The following BORCS5 variants were observed in gnomAD, a reference collection of about 807,000 sequenced individuals.
BORCS5 encodes BLOC-1-related complex subunit 5.
A neutral mutation model predicts 22.1 loss-of-function variants in BORCS5; 17 were observed. The observed-to-expected ratio is 0.77, with a 90% CI of 0.53 to 1.15. BORCS5 has a LOEUF of 1.15. Among genes scored for constraint, BORCS5 ranks in the 50% most tolerant of loss-of-function variants. The probability of loss-of-function intolerance (pLI) is 0.00; values close to 1 mark genes in which losing one functional copy is unlikely to be tolerated. For synonymous variants in BORCS5, 117 were observed against 99.8 expected, an observed-to-expected ratio of 1.17 and a Z score of -1.03; for missense variants, 247 against 253.2, an observed-to-expected ratio of 0.98 and a Z score of 0.17.
intron 2 of BORCS5, among the ~76,000 whole-genome samples, chr12:12,419,674 G>A (rs1942063738): frequency 6.6e-6 from 1 of 152,146 alleles, no homozygotes; most frequent in African/African-American, 2.4e-5. Flanking sequence ...GTGTAAAAGT[G>A]TTCCTGTTTC....
chr12:12,432,083 G>A (rs952286147), intron 2 of BORCS5, among the ~76,000 whole-genome samples: 2 of 152,124 alleles, frequency 1.3e-5, no homozygotes, highest in African/African-American at 4.8e-5. Flanking sequence ...AGGCTTCCTG[G>A]GGTCTCTGCA....
At chr12:12,388,705 G>A (rs1428794614) in intron 2 of BORCS5, among the ~76,000 whole-genome samples, 1 of 150,788 alleles carries the variant, frequency 6.6e-6, no homozygotes, top group Non-Finnish European at 1.5e-5. Flanking sequence ...TGTGAGTCTG[G>A]TCTGAGGACC....
intron 3 of BORCS5, among the ~76,000 whole-genome samples, chr12:12,446,332 C>G (rs1484740207): frequency 1.3e-5 from 2 of 152,064 alleles, no homozygotes; most frequent in Non-Finnish European, 2.9e-5. Context: ...AGAAGGCCTT[C>G]CCAGAAAGGA....
chr12:12,414,718 TG>T (rs1941877783), intron 2 of BORCS5, among the ~76,000 whole-genome samples: 1 of 119,726 alleles, frequency 8.4e-6, no homozygotes. Flanking sequence ...CCGGATGGGG[TG>T]GCTGCCGGGC....
At chr12:12,405,566 A>G (rs1941578418) in intron 2 of BORCS5, among the ~76,000 whole-genome samples, 1 of 152,218 alleles carries the variant, frequency 6.6e-6, no homozygotes, top group Admixed American at 6.5e-5. Flanking sequence ...CATCCTGACA[A>G]TTAAGACAAA....
At chr12:12,396,170 T>G (rs1271272700) in intron 2 of BORCS5, among the ~76,000 whole-genome samples, 1 of 151,344 alleles carries the variant, frequency 6.6e-6, no homozygotes, top group Non-Finnish European at 1.5e-5. Flanking sequence ...GTATTTTTAG[T>G]AGAGATGGGT....
At chr12:12,409,209 T>C (rs1178478654) in intron 2 of BORCS5, among the ~76,000 whole-genome samples, 3 of 151,932 alleles carry the variant, frequency 2.0e-5, no homozygotes, top group African/African-American at 7.2e-5. Context: ...TTTTTATCTA[T>C]TTATTTATTT....
chr12:12,428,560 G>A lies in BORCS5; in HGVS notation c.203-7068G>A, dbSNP rs182031998. Among the ~76,000 whole-genome samples the A allele has an allele frequency of 2.7e-3, 292 of 106,474 alleles. 4 individuals are homozygous for A. The highest frequency in any genetic ancestry group is 4.5e-4 in the Non-Finnish European group (22 of 49,348). 69.9% of individuals were successfully genotyped at this position (106,474 alleles called of 152,430 possible). A position where few individuals can be genotyped will look rare whatever the true frequency, so the allele number is the denominator to read the frequency against. ...AGTAAACATCTTTGGGTGCATCCCC[G>A]TATTAAACTAAAGAAGAAGTAGAAA... On this transcript the variant is annotated intron_variant, in intron 2 of 3. Transcript: ENST00000314565.
Position 12,357,082 on chromosome 12 carries a change from G to A in BORCS5, c.-370G>A, listed in dbSNP as rs1863151333. The A allele has an allele frequency of 3.9e-6, 6 of 1,533,618 alleles. No homozygotes were observed. Among genetic ancestry groups the A allele is most frequent in the Non-Finnish European group, 4.4e-6 (5 of 1,145,458 alleles). On this transcript the variant is annotated 5_prime_UTR_variant, in exon 1 of 4. Transcript: ENST00000314565. ...CTTGCGTAGCCGGCACCGCCCATCT[G>A]CGTCCCGGAAGGAGCGAGCTTGCGG...
intron 2 of BORCS5, among the ~76,000 whole-genome samples, chr12:12,380,542 T>C (rs1001584884): frequency 3.3e-5 from 5 of 151,728 alleles, no homozygotes; most frequent in Middle Eastern, 3.4e-3. Flanking sequence ...GAGTCTGACT[T>C]CCAGTTTTTG....
intron 3 of BORCS5, among the ~76,000 whole-genome samples, chr12:12,440,388 C>A (rs1942656587): frequency 6.6e-6 from 1 of 152,138 alleles, no homozygotes; most frequent in South Asian, 2.1e-4. Flanking sequence ...TATTGCAGAC[C>A]CACCTAGTGG....
At chr12:12,448,730 T>C (rs7957014) in intron 3 of BORCS5, among the ~76,000 whole-genome samples, 29,616 of 151,596 alleles carry the variant, frequency 0.2, 3,796 homozygotes, top group African/African-American at 0.37. Flanking sequence ...AGTTTCACCA[T>C]GTTGGCCAGG....
chr12:12,417,868 C>A (rs1364199852), intron 2 of BORCS5, among the ~76,000 whole-genome samples: 1 of 151,838 alleles, frequency 6.6e-6, no homozygotes, highest in Non-Finnish European at 1.5e-5. Flanking sequence ...TCTCGAACTC[C>A]TGAGCTCAAG....
chr12:12,428,941 G>A (rs1942355404), intron 2 of BORCS5, among the ~76,000 whole-genome samples: 1 of 152,064 alleles, frequency 6.6e-6, no homozygotes, highest in Admixed American at 6.6e-5. Flanking sequence ...ATAATTTCAA[G>A]GTTCATTCTC....
At chr12:12,414,683 G>A (rs1217027407) in intron 2 of BORCS5, among the ~76,000 whole-genome samples, 2 of 95,146 alleles carry the variant, frequency 2.1e-5, no homozygotes, top group Non-Finnish European at 2.3e-5. Flanking sequence ...GGCCGGGCGG[G>A]GGGCTGACCC....
At chr12:12,415,410 C>T (rs1320356902) in intron 2 of BORCS5, among the ~76,000 whole-genome samples, 3 of 151,572 alleles carry the variant, frequency 2.0e-5, no homozygotes, top group Non-Finnish European at 3.0e-5. Context: ...ACCAGTCAGG[C>T]GTGGCGGCGT....
intron 2 of BORCS5, among the ~76,000 whole-genome samples, chr12:12,383,994 T>TA (rs1863827578): frequency 6.6e-6 from 1 of 151,388 alleles, no homozygotes; most frequent in South Asian, 2.1e-4. Flanking sequence ...GTTCTTTAGA[T>TA]AATTTCTATT....
At chr12:12,390,555 G>C (rs1390360240) in intron 2 of BORCS5, among the ~76,000 whole-genome samples, 1 of 151,974 alleles carries the variant, frequency 6.6e-6, no homozygotes, top group Non-Finnish European at 1.5e-5. Flanking sequence ...GGGAGGCTGA[G>C]GCAGGAGGAT....
At chr12:12,369,006 C>T (rs1000819153) in intron 2 of BORCS5, among the ~76,000 whole-genome samples, 2 of 152,046 alleles carry the variant, frequency 1.3e-5, no homozygotes, top group Non-Finnish European at 2.9e-5. Flanking sequence ...TGATTTATTT[C>T]ATTAATTTGA....
Sources: allele counts gnomAD v4.1 joint callset (sites outside exome capture counted in the v4.1 genomes callset), GRCh38; gene constraint gnomAD v4.1.1; transcripts MANE v1.5; gene names NCBI Gene and HGNC (gene_info 2026-07-23, HGNC 2026-07-21).